Variants in DOP1B observed in about 807,000 individuals in gnomAD.
DOP1B encodes the protein DOP1 leucine zipper like protein B.
In DOP1B, 174 loss-of-function variants were observed where a neutral mutation model predicts 233.5. The observed-to-expected ratio is 0.75, with a 90% CI of 0.66 to 0.85. DOP1B has a LOEUF of 0.85. Ranked by LOEUF, DOP1B falls within the 40% of genes least tolerant of loss-of-function variation. The pLI is 0.00. For synonymous variants in DOP1B, 1,190 were observed against 1,185.6 expected, an observed-to-expected ratio of 1.00 and a Z score of -0.08; for missense variants, 2,652 against 2,846.6, an observed-to-expected ratio of 0.93 and a Z score of 1.56.
intron 1 of DOP1B, among the ~76,000 whole-genome samples, chr21:36,158,893 C>G (rs377227176): frequency 1.3e-5 from 2 of 151,568 alleles, no homozygotes; most frequent in East Asian, 1.9e-4. Context: ...TTTGGGAGGC[C>G]GAGGTGGGCG....
intron 31 of DOP1B, among the ~76,000 whole-genome samples, chr21:36,281,009 TAAAA>T (rs1176899807): frequency 3.5e-5 from 5 of 144,916 alleles, no homozygotes; most frequent in South Asian, 4.4e-4. Flanking sequence ...CTCAAAAAAA[TAAAA>T]AAATAAGTAT....
chr21:36,198,867 T>A (rs2066324482), intron 2 of DOP1B, among the ~76,000 whole-genome samples: 1 of 152,086 alleles, frequency 6.6e-6, no homozygotes, highest in Non-Finnish European at 1.5e-5. Context: ...ACTAAGAAAG[T>A]CCTTGTGCCT....
At chr21:36,227,125 G>A (rs2066695809) in intron 12 of DOP1B, among the ~76,000 whole-genome samples, 1 of 151,434 alleles carries the variant, frequency 6.6e-6, no homozygotes, top group South Asian at 2.1e-4. Flanking sequence ...GGAGAATGGT[G>A]TGAACCTGGG....
At chr21:36,169,354 G>T in intron 2 of DOP1B, 1 of 794,662 alleles carries the variant, frequency 1.3e-6, no homozygotes, top group Non-Finnish European at 2.2e-6. Context: ...TCTCAGTGTG[G>T]TGATGGTCGC....
chr21:36,261,507 A>G (rs2067171113), intron 24 of DOP1B: 1 of 985,416 alleles, frequency 1.0e-6, no homozygotes, highest in African/African-American at 1.7e-5. Context: ...AGAGCATTAA[A>G]GGGGATTCCG....
At position 36,246,494 on chromosome 21, in the gene DOP1B, G is replaced by C; in HGVS notation, c.4514G>C (p.Arg1505Thr). ...GGTCTTCTGGTCTCTGCGGTGGTGA[G>C]GGGTCTGCAGCCCGCCTACGGTTAC... ...SQGLLVSAVVRGLQPAYGYGM... is the reference protein window; with the variant it reads ...SQGLLVSAVVTGLQPAYGYGM... The change falls in exon 19 of 37, where the codon AGG becomes ACG. Residue 1505 changes from arginine (R) to threonine (T), a missense_variant. Arg to Thr is a moderately conservative substitution (Grantham distance 71). This residue lies in a region of DOP1B where 2,617 missense variants were observed against 2,794.3 expected (regional missense o/e 0.94). Coordinates refer to ENST00000691173, the MANE Select transcript of DOP1B (RefSeq NM_001320714.2). The surrounding 1 kb of genome is among the most constrained non-coding windows in gnomAD (Gnocchi z 5.1). 1 of 1,614,122 alleles carries C rather than the reference G, an allele frequency of 6.2e-7. No individual in the cohort carries two copies. The highest frequency in any genetic ancestry group is 8.5e-7 in the Non-Finnish European group (1 of 1,180,032).
chr21:36,283,418 G>A (rs1306762422), intron 32 of DOP1B, among the ~76,000 whole-genome samples: 1 of 124,154 alleles, frequency 8.1e-6, no homozygotes, highest in African/African-American at 2.9e-5. Flanking sequence ...CATTAACAGC[G>A]TTGACTCGTT....
In DOP1B at chr21:36,170,064, C is replaced by T. The variant is rs1462030442; in HGVS notation, c.138+5193C>T. 4.3e-6 allele frequency: 3 copies of T among 700,024 alleles called. No homozygotes were observed. The African/African-American group carries it at 5.3e-5, about 12-fold the overall frequency. 43.4% of individuals were successfully genotyped at this position (700,024 alleles called of 1,614,324 possible). On this transcript the variant is annotated intron_variant, in intron 2 of 36. Transcript: ENST00000691173. The stretch of plus-strand genomic sequence containing the variant: ...CCAGGAAGGCTGTGACGTTGACCAG[C>T]TTGGAAGGGTCATCCTTAGGGAAGC...
At chr21:36,229,219 T>C (rs1601429309) in intron 13 of DOP1B, among the ~76,000 whole-genome samples, 1 of 152,188 alleles carries the variant, frequency 6.6e-6, no homozygotes, top group Non-Finnish European at 1.5e-5. Context: ...TACCACAGAC[T>C]GGGTGGCTTC....
chr21:36,247,127 G>A (rs1183505719), intron 19 of DOP1B, among the ~76,000 whole-genome samples: 3 of 152,126 alleles, frequency 2.0e-5, no homozygotes, highest in Non-Finnish European at 4.4e-5. Flanking sequence ...CAATCCCCCT[G>A]CCTCGGCCTC....
At chr21:36,169,974 C>A (rs2065957163) in intron 2 of DOP1B, 1 of 764,694 alleles carries the variant, frequency 1.3e-6, no homozygotes, top group East Asian at 2.5e-5. Context: ...CCACCTCCTT[C>A]ACTTTCACCT....
At chr21:36,204,370 C>T (rs2066404636) in intron 4 of DOP1B, among the ~76,000 whole-genome samples, 1 of 152,120 alleles carries the variant, frequency 6.6e-6, no homozygotes, top group South Asian at 2.1e-4. Context: ...TGTCCTGTCC[C>T]ATTAAAGAGT....
At chr21:36,201,345 C>CTTTTTTTTTT (rs1172730528) in intron 4 of DOP1B, among the ~76,000 whole-genome samples, 2,166 of 83,164 alleles carry the variant, frequency 0.026, 306 homozygotes, top group African/African-American at 0.039. Context: ...CTATTGGATT[C>CTTTTTTTTTT]TTTTTTTTTT....
At chr21:36,198,091 A>C (rs2066313884) in intron 2 of DOP1B, among the ~76,000 whole-genome samples, 1 of 151,976 alleles carries the variant, frequency 6.6e-6, no homozygotes, top group Admixed American at 6.6e-5. Context: ...GAGCAAATGA[A>C]CTACTTATGC....
At chr21:36,278,754 A>T (rs928058607) in intron 30 of DOP1B, among the ~76,000 whole-genome samples, 1 of 152,112 alleles carries the variant, frequency 6.6e-6, no homozygotes, top group Non-Finnish European at 1.5e-5. Flanking sequence ...CTGTAGTTCC[A>T]GCTACTCGGG....
At chr21:36,174,397 A>G (rs1224227430) in intron 2 of DOP1B, among the ~76,000 whole-genome samples, 1 of 152,198 alleles carries the variant, frequency 6.6e-6, no homozygotes, top group Non-Finnish European at 1.5e-5. Context: ...CTGAGGCAAG[A>G]GAATTTCTGG....
At chr21:36,243,491 A>C (rs2066916850) in intron 18 of DOP1B, among the ~76,000 whole-genome samples, 1 of 151,946 alleles carries the variant, frequency 6.6e-6, no homozygotes, top group African/African-American at 2.4e-5. Context: ...GGTTAGTTTT[A>C]AAATGGAAAT....
chr21:36,224,048 C>T (rs1012260943), intron 11 of DOP1B, among the ~76,000 whole-genome samples: 1 of 152,158 alleles, frequency 6.6e-6, no homozygotes, highest in Non-Finnish European at 1.5e-5. Context: ...CCCAAATAAG[C>T]TCACAACCCT....
chr21:36,259,036 G>T (rs1227032284), intron 23 of DOP1B, among the ~76,000 whole-genome samples: 1 of 147,024 alleles, frequency 6.8e-6, no homozygotes, highest in Non-Finnish European at 1.5e-5. Context: ...CGCAATCTCG[G>T]CTCACTGCAA....
Sources: gnomAD v4.1 joint callset for allele counts (sites outside exome capture counted in the v4.1 genomes callset) on GRCh38, gnomAD v4.1.1 for gene constraint, gnomAD v4.1.1 regional missense constraint, Gnocchi (gnomAD v3.1) non-coding constraint, MANE v1.5 for transcripts, NCBI Gene and HGNC (gene_info 2026-07-23, HGNC 2026-07-21) for gene names.